The following ADAMTSL1 variants were observed in gnomAD, a reference collection of about 807,000 sequenced individuals.
The protein encoded by ADAMTSL1 is ADAMTS-like protein 1.
In ADAMTSL1, 126 loss-of-function variants were observed where a neutral mutation model predicts 201.8. The observed-to-expected ratio is 0.62, with a 90% CI of 0.54 to 0.72. ADAMTSL1 has a LOEUF of 0.72. ADAMTSL1 is among the 30% of genes least tolerant of loss of function. The pLI is 0.00. For missense variants in ADAMTSL1, 2,679 were observed against 2,277.8 expected (o/e 1.18, Z -3.59); for synonymous variants, 1,121 against 903.4 (o/e 1.24, Z -4.32).
intron 2 of ADAMTSL1, among the ~76,000 whole-genome samples, chr9:18,248,273 T>C (rs1831336858): frequency 6.6e-6 from 1 of 152,158 alleles, no homozygotes; most frequent in Admixed American, 6.5e-5. Context: ...GGCTCACGTG[T>C]ACCCCATCCT....
At chr9:18,657,398 T>C (rs955510780) in intron 7 of ADAMTSL1, among the ~76,000 whole-genome samples, 1 of 152,202 alleles carries the variant, frequency 6.6e-6, no homozygotes, top group African/African-American at 2.4e-5. Flanking sequence ...AATTGAGATA[T>C]TGTTCTCCCT....
At chr9:18,066,779 C>T (rs562271369) in intron 1 of ADAMTSL1, among the ~76,000 whole-genome samples, 3 of 152,220 alleles carry the variant, frequency 2.0e-5, no homozygotes, top group African/African-American at 7.2e-5. Context: ...AAATGTGGCA[C>T]ATATACACCA....
intron 22 of ADAMTSL1, among the ~76,000 whole-genome samples, chr9:18,827,511 A>C (rs964016430): frequency 7.2e-5 from 11 of 152,208 alleles, no homozygotes; most frequent in Non-Finnish European, 1.3e-4. Context: ...AAGAAGCCAC[A>C]GAAAACTGGC....
chr9:17,929,725 G>T (rs1386307218), intron 1 of ADAMTSL1, among the ~76,000 whole-genome samples: 2 of 152,136 alleles, frequency 1.3e-5, no homozygotes, highest in Non-Finnish European at 1.5e-5. Flanking sequence ...CTGGCCTGCA[G>T]CTTAAGTATC....
At chr9:18,573,102 CA>C (rs1366397014) in intron 3 of ADAMTSL1, among the ~76,000 whole-genome samples, 8 of 152,250 alleles carry the variant, frequency 5.3e-5, no homozygotes, top group Admixed American at 4.6e-4. Flanking sequence ...ATGAAACTTA[CA>C]TCAAAAAGAT....
rs551523115 is a variant in ADAMTSL1 at position 18,525,579 on chromosome 9, T to C, written c.192-7668T>C. On this transcript the variant is annotated intron_variant, in intron 2 of 28. Coordinates refer to ENST00000380548, the MANE Select transcript of ADAMTSL1 (RefSeq NM_001040272.6). ...TTTCTTGCTTTCTCTTGTGGGCATT[T>C]AGTGCTGCAAATTTTTCCTGTACAC... Among the ~76,000 whole-genome samples, 3 of 152,374 alleles carry C rather than the reference T, an allele frequency of 2.0e-5. No individual in the cohort carries two copies. In the East Asian group the frequency reaches 5.8e-4, roughly 29 times the overall value.
chr9:18,005,440 G>C (rs1166349316), intron 1 of ADAMTSL1, among the ~76,000 whole-genome samples: 1 of 151,950 alleles, frequency 6.6e-6, no homozygotes, highest in Non-Finnish European at 1.5e-5. Context: ...ACAGTTGAAG[G>C]AAAAAGAAGT....
intron 2 of ADAMTSL1, among the ~76,000 whole-genome samples, chr9:18,258,442 G>C (rs1474702037): frequency 1.3e-5 from 2 of 152,220 alleles, no homozygotes; most frequent in East Asian, 3.8e-4. Context: ...GGGGAATGCA[G>C]GGAGAGCCTC....
intron 1 of ADAMTSL1, among the ~76,000 whole-genome samples, chr9:18,032,876 G>A (rs1276955995): frequency 1.5e-5 from 2 of 137,396 alleles, no homozygotes; most frequent in South Asian, 4.9e-4. Context: ...CTGTCCTGGT[G>A]CTCAGTGACT....
chr9:18,176,413 C>G (rs900858754), intron 2 of ADAMTSL1, among the ~76,000 whole-genome samples: 1 of 152,006 alleles, frequency 6.6e-6, no homozygotes, highest in Non-Finnish European at 1.5e-5. Context: ...TAATAACAAT[C>G]TTGGTAACAA....
At chr9:18,589,890 C>G (rs1823796477) in intron 4 of ADAMTSL1, among the ~76,000 whole-genome samples, 1 of 152,120 alleles carries the variant, frequency 6.6e-6, no homozygotes, top group African/African-American at 2.4e-5. Context: ...AAATGTTGAT[C>G]ATCCTTGCAT....
At position 18,712,916 on chromosome 9, in the gene ADAMTSL1, C is replaced by A. The variant is rs962590225; in HGVS notation, c.1876+5868C>A. On this transcript the variant is annotated intron_variant, in intron 14 of 28. Coordinates refer to ENST00000380548, the MANE Select transcript of ADAMTSL1 (RefSeq NM_001040272.6). ...AGCGGATCTCTCGGCAGAAACCCTA[C>A]AAGCCAGAAGAGAGTGGGGGCCAAT... is the stretch of plus-strand genomic sequence containing the variant. Among the ~76,000 whole-genome samples the A allele has an allele frequency of 1.7e-3, 253 of 148,054 alleles. 2 individuals carry two copies. Among genetic ancestry groups the A allele is most frequent in the African/African-American group, 5.5e-3 (223 of 40,424 alleles).
chr9:18,098,343 A>G (rs547619407), intron 1 of ADAMTSL1, among the ~76,000 whole-genome samples: 1 of 152,286 alleles, frequency 6.6e-6, no homozygotes, highest in Non-Finnish European at 1.5e-5. Flanking sequence ...ATAAAAAGGA[A>G]ATTTTAACAA....
chr9:17,988,660 A>T (rs1378424044), intron 1 of ADAMTSL1, among the ~76,000 whole-genome samples: 1 of 151,730 alleles, frequency 6.6e-6, no homozygotes, highest in Non-Finnish European at 1.5e-5. Context: ...AGCCAATTTG[A>T]TAGTAAGGTC....
intron 2 of ADAMTSL1, among the ~76,000 whole-genome samples, chr9:18,370,812 C>T (rs1016618652): frequency 6.6e-6 from 1 of 151,316 alleles, no homozygotes; most frequent in African/African-American, 2.4e-5. Flanking sequence ...ATTGATATTA[C>T]CCTTGCTTTT....
At chr9:18,734,239 T>G (rs1818385425) in intron 15 of ADAMTSL1, among the ~76,000 whole-genome samples, 1 of 152,154 alleles carries the variant, frequency 6.6e-6, no homozygotes. Flanking sequence ...TTGGGTTTTG[T>G]AGGGTATTTT....
At position 18,889,569 on chromosome 9, in the gene ADAMTSL1, T is replaced by A; in HGVS notation, c.4464T>A (p.Asp1488Glu). The change falls in exon 25 of 29, where the codon GAT (aspartate) becomes GAA (glutamate). Residue 1488 changes from aspartate to glutamate, a missense_variant and splice_region_variant. Transcript: ENST00000380548. ...ACACTGCTCCTCCTCCCATGACAGATTACTGGTGGTCTGTGGACAGACTGG... is the reference window on the plus strand; with the variant it reads ...ACACTGCTCCTCCTCCCATGACAGAATACTGGTGGTCTGTGGACAGACTGG... ...LMQKASLVIQDYWWSVDRLAT... is the reference protein window; with the variant it reads ...LMQKASLVIQEYWWSVDRLAT... The A allele has an allele frequency of 1.2e-6, 2 of 1,613,632 alleles. No individual in the cohort carries two copies. Among genetic ancestry groups the A allele is most frequent in the Non-Finnish European group, 8.5e-7 (1 of 1,179,732 alleles).
chr9:18,826,500 T>A (rs1247939879), intron 22 of ADAMTSL1, 37 bp downstream of exon 22: 2 of 1,588,422 alleles, frequency 1.3e-6, no homozygotes, highest in Non-Finnish European at 1.7e-6. Flanking sequence ...TGCTGCACCC[T>A]GTTGGGAGTG....
chr9:18,036,515 C>T (rs925177910), intron 1 of ADAMTSL1, among the ~76,000 whole-genome samples: 7 of 152,076 alleles, frequency 4.6e-5, no homozygotes, highest in African/African-American at 1.4e-4. Flanking sequence ...GTGGAGCAGG[C>T]ACAATTCTGG....
Sources: gnomAD v4.1 joint callset for allele counts (sites outside exome capture counted in the v4.1 genomes callset) on GRCh38, gnomAD v4.1.1 for gene constraint, MANE v1.5 for transcripts, NCBI Gene and HGNC (gene_info 2026-07-23, HGNC 2026-07-21) for gene names.